Variants in PMFBP1 observed in about 807,000 individuals in gnomAD.
PMFBP1 encodes polyamine modulated factor 1 binding protein 1.
In PMFBP1, 131 loss-of-function variants were observed where a neutral mutation model predicts 137.8. The observed-to-expected ratio is 0.95, with a 90% CI of 0.82 to 1.10. The LOEUF (loss-of-function observed/expected upper bound fraction) is 1.10, where lower values mean the gene tolerates loss of function less well. Ranked by LOEUF, PMFBP1 falls within the 50% of genes least tolerant of loss-of-function variation. PMFBP1 has a pLI of 0.00. For synonymous variants in PMFBP1, 490 were observed against 450.4 expected, an observed-to-expected ratio of 1.09 and a Z score of -1.11; for missense variants, 1,199 against 1,175.4, an observed-to-expected ratio of 1.02 and a Z score of -0.29.
chr16:72,217,175 A>T, the PMFBP1 span, among the ~76,000 whole-genome samples: 1 of 152,156 alleles, frequency 6.6e-6, no homozygotes, highest in Non-Finnish European at 1.5e-5. Context: ...AGAAGAGGGA[A>T]GGGTATGCTG....
intron 4 of PMFBP1, among the ~76,000 whole-genome samples, chr16:72,153,797 T>G (rs1247160456): frequency 6.8e-6 from 1 of 148,132 alleles, no homozygotes; most frequent in Non-Finnish European, 1.5e-5. Context: ...TTATATATTA[T>G]CAAGACCTTA....
At chr16:72,213,731 C>A in the PMFBP1 span, among the ~76,000 whole-genome samples, 1 of 152,148 alleles carries the variant, frequency 6.6e-6, no homozygotes. Flanking sequence ...ATTTGTCACA[C>A]AGTGATAGAT....
chr16:72,229,342 A>G, the PMFBP1 span, among the ~76,000 whole-genome samples: 2 of 152,164 alleles, frequency 1.3e-5, no homozygotes, highest in Admixed American at 1.3e-4. Context: ...TTATGGTAGA[A>G]CAATTTATAT....
At chr16:72,199,451 C>T in the PMFBP1 span, among the ~76,000 whole-genome samples, 1 of 152,024 alleles carries the variant, frequency 6.6e-6, no homozygotes, top group Non-Finnish European at 1.5e-5. Context: ...GTCAGGAGTT[C>T]AAGACCAGCC....
At chr16:72,213,199 G>GA in the PMFBP1 span, among the ~76,000 whole-genome samples, 1 of 150,622 alleles carries the variant, frequency 6.6e-6, no homozygotes, top group Non-Finnish European at 1.5e-5. Flanking sequence ...CAAGAGCCCG[G>GA]GGGGGGGTGG....
the PMFBP1 span, among the ~76,000 whole-genome samples, chr16:72,191,031 G>A: frequency 6.6e-6 from 1 of 152,100 alleles, no homozygotes; most frequent in East Asian, 1.9e-4. Context: ...TGGAAATACA[G>A]TCATAAAACA....
At chr16:72,205,022 T>C in the PMFBP1 span, among the ~76,000 whole-genome samples, 15 of 152,188 alleles carry the variant, frequency 9.9e-5, no homozygotes, top group African/African-American at 2.9e-4. Context: ...ACAGGCCCTA[T>C]GTACTAACTA....
At chr16:72,210,303 G>C in the PMFBP1 span, among the ~76,000 whole-genome samples, 1 of 152,216 alleles carries the variant, frequency 6.6e-6, no homozygotes, top group Non-Finnish European at 1.5e-5. Context: ...AAAGCAGACA[G>C]ATGACTTATA....
the PMFBP1 span, among the ~76,000 whole-genome samples, chr16:72,199,594 C>T: frequency 7.3e-6 from 1 of 136,684 alleles, no homozygotes; most frequent in East Asian, 2.1e-4. Context: ...GTGGAAGTTG[C>T]AGGGAGCTGA....
At chr16:72,118,396 C>T (rs989112004), downstream of PMFBP1, among the ~76,000 whole-genome samples, 2 of 152,152 alleles carry the variant, frequency 1.3e-5, no homozygotes, top group Non-Finnish European at 2.9e-5. Flanking sequence ...CAGGGGCATC[C>T]TATGTAATAT....
At chr16:72,122,878 C>A in intron 19 of PMFBP1, 36 bp downstream of exon 19, 1 of 1,591,516 alleles carries the variant, frequency 6.3e-7, no homozygotes, top group Non-Finnish European at 8.6e-7. Context: ...CTTGTCAGCT[C>A]CCAGGAAGCA....
intron 5 of PMFBP1, among the ~76,000 whole-genome samples, chr16:72,143,779 G>A: frequency 6.7e-6 from 1 of 148,964 alleles, no homozygotes; most frequent in East Asian, 2.0e-4. Flanking sequence ...GGTGGCTCAT[G>A]CCTGTAATCC....
chr16:72,176,041 T>G (rs554632202), upstream of PMFBP1, among the ~76,000 whole-genome samples: 25 of 152,008 alleles, frequency 1.6e-4, no homozygotes, highest in Non-Finnish European at 3.2e-4. Context: ...GCATAACTGG[T>G]AGGGGGAGAT....
intron 2 of PMFBP1, among the ~76,000 whole-genome samples, 160 bp from the exon 3 acceptor site, chr16:72,165,076 A>G (rs1236880795): frequency 2.0e-5 from 3 of 152,166 alleles, no homozygotes; most frequent in East Asian, 1.9e-4. Flanking sequence ...ACAGTTTCCA[A>G]TTGCCAGGTG....
At chr16:72,181,207 C>G (rs2043275258), upstream of PMFBP1, among the ~76,000 whole-genome samples, 1 of 148,210 alleles carries the variant, frequency 6.7e-6, no homozygotes, top group African/African-American at 2.5e-5. Context: ...CCACTGCCCT[C>G]AAGCCTGGCG....
chr16:72,245,897 G>A, the PMFBP1 span, among the ~76,000 whole-genome samples: 1 of 152,146 alleles, frequency 6.6e-6, no homozygotes, highest in East Asian at 1.9e-4. Context: ...CTTTGCTCCA[G>A]CACCAGTGCT....
At chr16:72,138,912 C>CA (rs35349842) in intron 7 of PMFBP1, among the ~76,000 whole-genome samples, 45,832 of 119,942 alleles carry the variant, frequency 0.38, 8,370 homozygotes, top group African/African-American at 0.55. Context: ...ACAGAGTTCT[C>CA]AAAAAAAAAA....
chr16:72,147,551 G>A (rs2042828396), intron 5 of PMFBP1, among the ~76,000 whole-genome samples: 1 of 152,168 alleles, frequency 6.6e-6, no homozygotes, highest in Non-Finnish European at 1.5e-5. Flanking sequence ...AAGAGCTTCT[G>A]CACAGCAAAA....
chr16:72,164,731 G>T, intron 3 of PMFBP1, 33 bp downstream of exon 3: 2 of 1,565,136 alleles, frequency 1.3e-6, no homozygotes, highest in East Asian at 4.5e-5. Flanking sequence ...AGTCAAGAGA[G>T]CAGGGGTGAG....
Sources: allele counts gnomAD v4.1 joint callset (sites outside exome capture counted in the v4.1 genomes callset), GRCh38; gene constraint gnomAD v4.1.1; transcripts MANE v1.5; gene names NCBI Gene and HGNC (gene_info 2026-07-23, HGNC 2026-07-21).